Variants in COTL1 observed in about 807,000 individuals in gnomAD.
The protein encoded by COTL1 is coactosin like F-actin binding protein 1, also known as coactosin-like protein.
In COTL1, 15 loss-of-function variants were observed where a neutral mutation model predicts 16.5. The observed-to-expected ratio is 0.91, with a 90% CI of 0.61 to 1.40. The LOEUF is 1.40. Among genes scored for constraint, COTL1 ranks in the 40% most tolerant of loss-of-function variants. The pLI, the probability that COTL1 is intolerant of heterozygous loss-of-function variation, is 0.00. For missense variants in COTL1, 220 were observed against 201.5 expected (o/e 1.09, Z -0.56); for synonymous variants, 112 against 85.3 (o/e 1.31, Z -1.73).
chr16:84,600,344 G>A (rs113439017), intron 2 of COTL1, among the ~76,000 whole-genome samples: 1,997 of 130,060 alleles, frequency 0.015, 53 homozygotes, highest in African/African-American at 0.055. Context: ...ACGAAATCTC[G>A]CTCTGTTGTC....
intron 3 of COTL1, among the ~76,000 whole-genome samples, chr16:84,586,343 A>G (rs936236596): frequency 1.3e-5 from 2 of 152,166 alleles, no homozygotes; most frequent in Non-Finnish European, 2.9e-5. Context: ...ACTCCCACCT[A>G]AAGGTTCCCA....
chr16:84,574,083 A>G (rs535465767), intron 3 of COTL1, among the ~76,000 whole-genome samples: 14 of 151,982 alleles, frequency 9.2e-5, no homozygotes, highest in Non-Finnish European at 1.8e-4. Context: ...CAGGAAGATC[A>G]CTTGAGCCTG....
intron 2 of COTL1, among the ~76,000 whole-genome samples, chr16:84,615,327 G>A (rs924576436): frequency 6.6e-6 from 1 of 152,226 alleles, no homozygotes; most frequent in African/African-American, 2.4e-5. Flanking sequence ...CCATCCCTGG[G>A]GGGCAGGAGG....
At chr16:84,617,425 C>T in intron 2 of COTL1, 76 bp downstream of exon 2, 1 of 1,393,286 alleles carries the variant, frequency 7.2e-7, no homozygotes, top group Non-Finnish European at 9.9e-7. Context: ...CTCCCGGGTT[C>T]GCTCTGGCCG....
In COTL1 at chr16:84,577,932, C is replaced by T. The variant is rs968880065; in HGVS notation, c.319-10977G>A. Among the ~76,000 whole-genome samples, 17 of 152,326 alleles carry T rather than the reference C, an allele frequency of 1.1e-4. No individual in the cohort carries two copies. The East Asian group carries it at 1.5e-3, about 14-fold the overall frequency. On this transcript the variant is annotated intron_variant, in intron 3 of 3. Transcript: ENST00000262428. ...GGGCAACTGCCTGGAGTCTCAGGCT[C>T]GGCTTTCCTGACCACAGAGATTTAC... is the stretch of plus-strand genomic sequence containing the variant.
At chr16:84,575,305 T>C (rs1904428180) in intron 3 of COTL1, 1 of 152,248 alleles carries the variant, frequency 6.6e-6, no homozygotes, top group South Asian at 2.1e-4. Flanking sequence ...CCCAAAGTGC[T>C]GGGATTACAG....
intron 2 of COTL1, among the ~76,000 whole-genome samples, chr16:84,612,000 A>T (rs1244704466): frequency 6.6e-6 from 1 of 151,664 alleles, no homozygotes; most frequent in Non-Finnish European, 1.5e-5. Flanking sequence ...TGAACCTGTG[A>T]CCCTCCAGCC....
At chr16:84,576,827 G>A (rs967395799) in intron 3 of COTL1, 2 of 152,246 alleles carry the variant, frequency 1.3e-5, no homozygotes, top group Admixed American at 6.5e-5. Context: ...CTGCCTGCTG[G>A]CTTCAGGTCC....
intron 3 of COTL1, among the ~76,000 whole-genome samples, chr16:84,584,110 T>C (rs1904664379): frequency 6.6e-6 from 1 of 152,262 alleles, no homozygotes; most frequent in East Asian, 1.9e-4. Flanking sequence ...ACGAGAACGA[T>C]AGGAGCGAGG....
chr16:84,596,157 C>T (rs73255577), intron 2 of COTL1: 8,650 of 152,332 alleles, frequency 0.057, 387 homozygotes, highest in African/African-American at 0.12. Flanking sequence ...CAGTGGGGGA[C>T]GGGGGACCCA....
At chr16:84,603,560 C>T (rs1905145397) in intron 2 of COTL1, among the ~76,000 whole-genome samples, 1 of 151,208 alleles carries the variant, frequency 6.6e-6, no homozygotes, top group Non-Finnish European at 1.5e-5. Context: ...GGGAATCGGG[C>T]CTGGCACACA....
intron 2 of COTL1, among the ~76,000 whole-genome samples, chr16:84,605,093 G>A (rs757843532): frequency 6.6e-6 from 1 of 152,184 alleles, no homozygotes; most frequent in Non-Finnish European, 1.5e-5. Flanking sequence ...TGGCAGAAAT[G>A]GCCTCTAAAC....
chr16:84,599,372 CA>C (rs1052332607), intron 2 of COTL1, among the ~76,000 whole-genome samples: 1 of 152,138 alleles, frequency 6.6e-6, no homozygotes, highest in African/African-American at 2.4e-5. Context: ...TTTTTCATTA[CA>C]AAAACACATA....
At chr16:84,594,742 C>G (rs926954422) in intron 2 of COTL1, 8 of 152,350 alleles carry the variant, frequency 5.3e-5, no homozygotes, top group African/African-American at 1.9e-4. Flanking sequence ...AAGTTACCAG[C>G]CCTGCTTTGG....
At chr16:84,573,159 C>T (rs1023405727) in intron 3 of COTL1, among the ~76,000 whole-genome samples, 2 of 152,182 alleles carry the variant, frequency 1.3e-5, no homozygotes, top group South Asian at 4.1e-4. Flanking sequence ...AAAATATTGT[C>T]ATTTCCACAA....
intron 2 of COTL1, chr16:84,595,659 G>A (rs1287615784): frequency 1.3e-5 from 2 of 152,162 alleles, no homozygotes; most frequent in East Asian, 1.9e-4. Context: ...TCCTGTACGC[G>A]GGAACACTGG....
At chr16:84,573,671 C>T (rs1317763729) in intron 3 of COTL1, among the ~76,000 whole-genome samples, 6 of 150,830 alleles carry the variant, frequency 4.0e-5, no homozygotes, top group African/African-American at 9.8e-5. Flanking sequence ...ACCGGGGAGG[C>T]GGAAGTTGCA....
intron 2 of COTL1, among the ~76,000 whole-genome samples, chr16:84,601,208 T>C (rs759278594): frequency 1.1e-4 from 16 of 152,138 alleles, no homozygotes; most frequent in Admixed American, 3.3e-4. Flanking sequence ...TGTGGGTTGG[T>C]TATTTGACAA....
chr16:84,610,021 G>T (rs921912462), intron 2 of COTL1, among the ~76,000 whole-genome samples: 1 of 152,192 alleles, frequency 6.6e-6, no homozygotes, highest in Non-Finnish European at 1.5e-5. Context: ...TGGTGTGGGG[G>T]TAGGAACACA....
Sources: allele counts gnomAD v4.1 joint callset (sites outside exome capture counted in the v4.1 genomes callset), GRCh38; gene constraint gnomAD v4.1.1; transcripts MANE v1.5; gene names NCBI Gene and HGNC (gene_info 2026-07-23, HGNC 2026-07-21).